Variants in PRKDC observed in about 807,000 individuals in gnomAD.
PRKDC encodes the protein DNA-dependent protein kinase catalytic subunit.
In PRKDC, 82 loss-of-function variants were observed where a neutral mutation model predicts 486.9. The observed-to-expected ratio is 0.17, with a 90% CI of 0.14 to 0.20. The LOEUF (loss-of-function observed/expected upper bound fraction) is 0.20. PRKDC is among the 10% of genes least tolerant of loss of function. The pLI is 1.00. For synonymous variants in PRKDC, 1,895 were observed against 1,837.0 expected, an observed-to-expected ratio of 1.03 and a Z score of -0.81; for missense variants, 4,504 against 5,038.2, an observed-to-expected ratio of 0.89 and a Z score of 3.21.
chr8:47,806,107 ACACCTCCCTGTCCAAGGCAGAAG>A (rs1019047517), intron 69 of PRKDC, among the ~76,000 whole-genome samples: 10 of 152,154 alleles, frequency 6.6e-5, no homozygotes, highest in African/African-American at 1.9e-4. Flanking sequence ...CCTTCCCCAG[ACACCTCCCTGTCCAAGGCAGAAG>A]CTCTTCTCTT....
At chr8:47,832,114 G>T (rs948783352) in intron 59 of PRKDC, among the ~76,000 whole-genome samples, 188 bp from the exon 60 acceptor site, 2 of 152,224 alleles carry the variant, frequency 1.3e-5, no homozygotes, top group Non-Finnish European at 2.9e-5. Context: ...AGGCATGAGC[G>T]CTGAACGGGC....
At chr8:47,778,408 C>G in intron 83 of PRKDC, 51 bp downstream of exon 83, 1 of 1,565,066 alleles carries the variant, frequency 6.4e-7, no homozygotes, top group Non-Finnish European at 8.7e-7. Context: ...TGTTGAAAGT[C>G]CTATGATGAC....
At chr8:47,797,818 G>T (rs1322565906) in intron 73 of PRKDC, among the ~76,000 whole-genome samples, 5 of 152,224 alleles carry the variant, frequency 3.3e-5, no homozygotes, top group Admixed American at 3.3e-4. Flanking sequence ...ACACCGTGCT[G>T]CTGGCAGATG....
intron 27 of PRKDC, among the ~76,000 whole-genome samples, chr8:47,901,627 G>C (rs1222134059): frequency 1.3e-5 from 2 of 152,302 alleles, no homozygotes; most frequent in East Asian, 3.9e-4. Flanking sequence ...TCTGTCCCTT[G>C]CATCTGCAGA....
intron 24 of PRKDC, 116 bp downstream of exon 24, chr8:47,913,785 G>C (rs2089944674): frequency 1.9e-6 from 2 of 1,079,958 alleles, no homozygotes; most frequent in Admixed American, 2.9e-5. Context: ...CTATATTACA[G>C]AAAATACAAA....
At chr8:47,804,825 A>G (rs1487165067) in intron 69 of PRKDC, among the ~76,000 whole-genome samples, 1 of 152,054 alleles carries the variant, frequency 6.6e-6, no homozygotes, top group Non-Finnish European at 1.5e-5. Flanking sequence ...ACAGTGGCAC[A>G]ATCTTGGCTC....
At chr8:47,932,419 G>C (rs111247598) in intron 16 of PRKDC, among the ~76,000 whole-genome samples, 1 of 151,258 alleles carries the variant, frequency 6.6e-6, no homozygotes. Flanking sequence ...GGGTTTCATC[G>C]TGTTAGCCAG....
At chr8:47,805,706 C>T (rs911135742) in intron 69 of PRKDC, among the ~76,000 whole-genome samples, 3 of 152,190 alleles carry the variant, frequency 2.0e-5, no homozygotes, top group Non-Finnish European at 4.4e-5. Flanking sequence ...CTCTAATTCT[C>T]TCTCAAGCTT....
chr8:47,905,001 T>C (rs750256560), intron 25 of PRKDC, 25 bp from the exon 26 acceptor site: 6 of 1,504,550 alleles, frequency 4.0e-6, no homozygotes, highest in Non-Finnish European at 5.5e-6. Flanking sequence ...CCATTAAAGT[T>C]AATTCCCTTC....
chr8:47,892,455 C>T (rs1168751336), intron 31 of PRKDC, among the ~76,000 whole-genome samples: 1 of 152,096 alleles, frequency 6.6e-6, no homozygotes, highest in African/African-American at 2.4e-5. Context: ...CTCAGACTCC[C>T]CAGTAGCTGG....
chr8:47,860,862 AT>A (rs1449074297), intron 45 of PRKDC, 36 bp downstream of exon 45: 2 of 1,516,594 alleles, frequency 1.3e-6, no homozygotes, highest in Non-Finnish European at 1.8e-6. Flanking sequence ...TAACCCATCG[AT>A]TTGAATCCTT....
At chr8:47,883,320 T>C (rs2089262131) in intron 36 of PRKDC, among the ~76,000 whole-genome samples, 1 of 152,224 alleles carries the variant, frequency 6.6e-6, no homozygotes, top group East Asian at 1.9e-4. Flanking sequence ...AACTGCTTTT[T>C]CTCCAGTGGA....
Position 47,882,007 on chromosome 8 carries a change from G to A in PRKDC, c.4867C>T (p.Leu1623=). Reference sequence around the variant, plus strand: ...GAATCACACTTCTTCCAGTGTTGCAGAATTGTAGTCGCAAGTTTCAGTCCT... The same window carrying A: ...GAATCACACTTCTTCCAGTGTTGCAAAATTGTAGTCGCAAGTTTCAGTCCT... The part of the protein sequence containing the change: ...HQGLKLATTI[L]QHWKKCDSWW... Residue 1623 remains leucine (L), a synonymous_variant, in exon 37 of 86, where the codon CTG becomes TTG. Coordinates refer to ENST00000314191, the MANE Select transcript of PRKDC (RefSeq NM_006904.7). The A allele has an allele frequency of 6.2e-7, 1 of 1,614,064 alleles. No homozygotes were observed. The highest frequency in any genetic ancestry group is 8.5e-7 in the Non-Finnish European group (1 of 1,179,898).
intron 16 of PRKDC, among the ~76,000 whole-genome samples, chr8:47,931,805 C>A (rs929254881): frequency 1.3e-5 from 2 of 152,194 alleles, no homozygotes; most frequent in Non-Finnish European, 2.9e-5. Flanking sequence ...GATCTTAGTT[C>A]TTTCTCACCA....
At chr8:47,872,519 AAAT>A (rs1472533009) in intron 40 of PRKDC, among the ~76,000 whole-genome samples, 1 of 151,810 alleles carries the variant, frequency 6.6e-6, no homozygotes, top group African/African-American at 2.4e-5. Flanking sequence ...AAAAAAAAAA[AAAT>A]GATCTGTTGC....
At chr8:47,847,896 T>A (rs1460463602) in intron 54 of PRKDC, among the ~76,000 whole-genome samples, 2 of 147,232 alleles carry the variant, frequency 1.4e-5, no homozygotes, top group East Asian at 2.0e-4. Flanking sequence ...TATATATATA[T>A]AAAAGTCATC....
Position 47,834,235 on chromosome 8 carries a change from G to A in PRKDC, c.8113C>T (p.Leu2705=). 1 of 1,614,010 alleles carries A rather than the reference G, an allele frequency of 6.2e-7. No individual in the cohort carries two copies. The highest frequency in any genetic ancestry group is 8.5e-7 in the Non-Finnish European group (1 of 1,179,882). The change falls in exon 59 of 86, where the codon CTG becomes TTG. Residue 2705 remains leucine, a synonymous_variant. Transcript: ENST00000314191. ...SVGPDFGKKR[L]GLPGDEVDNK... Reference sequence around the variant, plus strand: ...TCCACCTCGTCCCCTGGAAGGCCCAGCCTTTTTTTCCCAAAATCAGGCCCC... The same window carrying A: ...TCCACCTCGTCCCCTGGAAGGCCCAACCTTTTTTTCCCAAAATCAGGCCCC...
chr8:47,934,405 G>A (rs2090311322), intron 14 of PRKDC, among the ~76,000 whole-genome samples: 1 of 152,126 alleles, frequency 6.6e-6, no homozygotes, highest in African/African-American at 2.4e-5. Flanking sequence ...CAAGGTGGCG[G>A]TCGCCTGTAA....
rs2154502244 is a variant in PRKDC, at chr8:47,900,238, T to C, written c.3364+135A>G. ...GCTGGGTTTGAGGCACTGAAGGGGA[T>C]TCTCTTCACATTTATTAATTTATAG... On this transcript the variant is annotated intron_variant, in intron 28 of 85. Coordinates refer to ENST00000314191, the MANE Select transcript of PRKDC (RefSeq NM_006904.7). 3 of 505,472 alleles carry C rather than the reference T, an allele frequency of 5.9e-6. No individual in the cohort carries two copies. In the East Asian group the frequency reaches 1.1e-4, roughly 18 times the overall value. 31.3% of individuals were successfully genotyped at this position (505,472 alleles called of 1,614,324 possible).
Sources: gnomAD v4.1 joint callset for allele counts (sites outside exome capture counted in the v4.1 genomes callset) on GRCh38, gnomAD v4.1.1 for gene constraint, MANE v1.5 for transcripts, NCBI Gene and HGNC (gene_info 2026-07-23, HGNC 2026-07-21) for gene names.